Variants in ADCY1 observed in about 807,000 individuals in gnomAD.
ADCY1 encodes adenylate cyclase 1, also known as adenylate cyclase type 1.
ADCY1 carries 28 observed loss-of-function variants against 105.4 expected under a neutral mutation model. That is an observed-to-expected ratio of 0.27 (90% CI 0.20 to 0.36). The LOEUF is 0.36. Among genes scored for constraint, ADCY1 ranks in the 10% least tolerant of loss-of-function variants. ADCY1 has a pLI of 1.00. For synonymous variants in ADCY1, 655 were observed against 623.8 expected (o/e 1.05, Z -0.75); for missense variants, 977 against 1,434.2 (o/e 0.68, Z 5.15).
chr7:45,614,324 A>G (rs1465514913), intron 3 of ADCY1, among the ~76,000 whole-genome samples: 1 of 152,220 alleles, frequency 6.6e-6, no homozygotes, highest in African/African-American at 2.4e-5. Context: ...TTATCAGCTC[A>G]AAATGGACAG....
Position 45,717,806 on chromosome 7 carries a change from C to T in ADCY1, c.*3811C>T, listed in dbSNP as rs1351571828. 1 of 152,592 alleles carries T rather than the reference C, an allele frequency of 6.6e-6. No homozygotes were observed. Among genetic ancestry groups the T allele is most frequent in the Non-Finnish European group, 1.5e-5 (1 of 68,092 alleles). 9.5% of individuals were successfully genotyped at this position (152,592 alleles called of 1,614,324 possible). On this transcript the variant is annotated 3_prime_UTR_variant, in exon 20 of 20. Coordinates refer to ENST00000297323, the MANE Select transcript of ADCY1 (RefSeq NM_021116.4). ...GAGGACGCCCCTACAGACCCAGCAA[C>T]CCAAGTTGCCAGCCCGTGTTTCTCA...
At chr7:45,633,929 T>A (rs1794330871) in intron 4 of ADCY1, among the ~76,000 whole-genome samples, 1 of 152,128 alleles carries the variant, frequency 6.6e-6, no homozygotes, top group South Asian at 2.1e-4. Context: ...CAACTGTTAA[T>A]GTTATTGGTA....
Position 45,686,395 on chromosome 7 carries a change from T to C in ADCY1, c.2328-152T>C, listed in dbSNP as rs142641558. 4.3e-3 allele frequency: 6,027 copies of C among 1,401,636 alleles called. 21 individuals are homozygous for C. The highest frequency in any genetic ancestry group is 8.7e-3 in the African/African-American group (607 of 69,416). The allele number at this position is 1,401,636 out of a possible 1,614,324, so 86.8% of individuals were successfully genotyped here. A position where few individuals can be genotyped will look rare whatever the true frequency, so the allele number is the denominator to read the frequency against. ...TCTAGCAAGGACTCAGATTTCCCTA[T>C]GATAAGTGATTCTTGGCCAAGGTCA... On this transcript the variant is annotated intron_variant, in intron 13 of 19. Transcript: ENST00000297323. The surrounding 1 kb of genome is among the most constrained non-coding windows in gnomAD (Gnocchi z 4.3).
chr7:45,679,458 G>A (rs1426765431), intron 10 of ADCY1, among the ~76,000 whole-genome samples: 3 of 152,202 alleles, frequency 2.0e-5, no homozygotes, highest in Non-Finnish European at 4.4e-5. Context: ...CTGCGGTGGG[G>A]GTAGGAGAAG....
chr7:45,656,572 G>A (rs1246802639), intron 5 of ADCY1, among the ~76,000 whole-genome samples: 3 of 152,170 alleles, frequency 2.0e-5, no homozygotes, highest in African/African-American at 7.2e-5. Flanking sequence ...GCAAGGGTTT[G>A]AGTGGAGGTT....
intron 1 of ADCY1, among the ~76,000 whole-genome samples, chr7:45,586,886 G>A (rs1005176726): frequency 1.3e-5 from 2 of 152,230 alleles, no homozygotes; most frequent in African/African-American, 2.4e-5. Context: ...CCCAAGTGCT[G>A]TTGGTTCATA....
rs980978520 is a variant in ADCY1 at position 45,721,490 on chromosome 7, G to T, written c.*7495G>T. The stretch of plus-strand genomic sequence containing the variant: ...TTGTAAAGCCTCTCTGACATCAAAT[G>T]GGGAGAAATGGTGGCACCTCCAGAC... On this transcript the variant is annotated 3_prime_UTR_variant, in exon 20 of 20. Coordinates refer to ENST00000297323, the MANE Select transcript of ADCY1 (RefSeq NM_021116.4). 1 of 394,722 alleles carries T rather than the reference G, an allele frequency of 2.5e-6. No individual in the cohort carries two copies. Among genetic ancestry groups the T allele is most frequent in the African/African-American group, 2.1e-5 (1 of 48,524 alleles). The allele number at this position is 394,722 out of a possible 1,614,324, so 24.5% of individuals were successfully genotyped here. A position where few individuals can be genotyped will look rare whatever the true frequency, so the allele number is the denominator to read the frequency against.
intron 5 of ADCY1, among the ~76,000 whole-genome samples, chr7:45,656,705 C>T (rs576017758): frequency 6.6e-6 from 1 of 152,274 alleles, no homozygotes; most frequent in South Asian, 2.1e-4. Context: ...GGGTGGGTGG[C>T]ACAGCCTTGC....
intron 1 of ADCY1, among the ~76,000 whole-genome samples, chr7:45,578,679 G>A (rs1168431978): frequency 6.6e-6 from 1 of 152,312 alleles, no homozygotes; most frequent in East Asian, 1.9e-4. Flanking sequence ...GCCTGGGCAG[G>A]GCCCCAGTCC....
At chr7:45,598,999 C>T (rs543123142) in intron 2 of ADCY1, among the ~76,000 whole-genome samples, 1 of 152,316 alleles carries the variant, frequency 6.6e-6, no homozygotes, top group East Asian at 1.9e-4. Flanking sequence ...GGTCCCTGCC[C>T]TGCTGCTGTT....
rs1188504274 is a variant in ADCY1 at position 45,720,087 on chromosome 7, G to A, written c.*6092G>A. The stretch of plus-strand genomic sequence containing the variant: ...CCCTCCAGTTACCAGGAGCCGATTT[G>A]GAGGCCAGGCCTTCCCAGCTGAGTG... On this transcript the variant is annotated 3_prime_UTR_variant, in exon 20 of 20. Transcript: ENST00000297323. 6.6e-6 allele frequency: 1 copy of A among 152,216 alleles called. No individual in the cohort carries two copies. Among genetic ancestry groups the A allele is most frequent in the Non-Finnish European group, 1.5e-5 (1 of 68,080 alleles). The allele number at this position is 152,216 out of a possible 1,614,324, so 9.4% of individuals were successfully genotyped here. A position where few individuals can be genotyped will look rare whatever the true frequency, so the allele number is the denominator to read the frequency against.
intron 3 of ADCY1, among the ~76,000 whole-genome samples, chr7:45,617,050 C>T (rs933379162): frequency 6.6e-6 from 1 of 152,224 alleles, no homozygotes; most frequent in African/African-American, 2.4e-5. Context: ...AGGGAGGGAA[C>T]TTGCCCTGGG....
chr7:45,692,295 A>ACCAACTTT (rs1332672001), intron 14 of ADCY1, among the ~76,000 whole-genome samples: 9 of 152,354 alleles, frequency 5.9e-5, no homozygotes, highest in African/African-American at 2.2e-4. Context: ...TCCATCCAAC[A>ACCAACTTT]GGTGCTTATT....
At chr7:45,629,735 G>A (rs1326651952) in intron 4 of ADCY1, among the ~76,000 whole-genome samples, 1 of 152,092 alleles carries the variant, frequency 6.6e-6, no homozygotes, top group East Asian at 1.9e-4. Flanking sequence ...TAGCCAGGAT[G>A]GTCTTGATCT....
rs374053447 is a variant in ADCY1 at position 45,612,202 on chromosome 7, G to C, written c.908+1705G>C. 2.6e-5 allele frequency among the ~76,000 whole-genome samples: 4 copies of C among 152,340 alleles called. No homozygotes were observed. In the East Asian group the frequency reaches 7.7e-4, roughly 29 times the overall value. ...TGAAGGCCCAAGTGGGTGGAAAGTA[G>C]CTGAAGAGCCAGCATTTGAGCCCAG... On this transcript the variant is annotated intron_variant, in intron 3 of 19. Transcript: ENST00000297323.
chr7:45,641,438 C>T, intron 4 of ADCY1, among the ~76,000 whole-genome samples: 1 of 152,188 alleles, frequency 6.6e-6, no homozygotes, highest in East Asian at 1.9e-4. Context: ...TCTGGTTAGT[C>T]TTGTTTGGTC....
chr7:45,606,893 A>C (rs1793388716), intron 2 of ADCY1, among the ~76,000 whole-genome samples: 1 of 152,098 alleles, frequency 6.6e-6, no homozygotes, highest in South Asian at 2.1e-4. Context: ...GAGCTTATTG[A>C]CATATGATCT....
intron 4 of ADCY1, among the ~76,000 whole-genome samples, chr7:45,626,687 G>A (rs1188842211): frequency 6.6e-6 from 1 of 152,242 alleles, no homozygotes; most frequent in Non-Finnish European, 1.5e-5. Flanking sequence ...AGCAACATTT[G>A]AGTTTGAGCT....
rs1452324529 is a variant in ADCY1 at position 45,717,834 on chromosome 7, C to CT, written c.*3842dup. The stretch of plus-strand genomic sequence containing the variant: ...AAGTTGCCAGCCCGTGTTTCTCAGA[C>CT]TTTAAAGCCACCAGGGCTTCTGGAA... On this transcript the variant is annotated 3_prime_UTR_variant, in exon 20 of 20. Transcript: ENST00000297323. The CT allele has an allele frequency of 6.6e-6, 1 of 152,624 alleles. No individual in the cohort carries two copies. The highest frequency in any genetic ancestry group is 2.4e-5 in the African/African-American group (1 of 41,454). 9.5% of individuals were successfully genotyped at this position (152,624 alleles called of 1,614,324 possible). A position where few individuals can be genotyped will look rare whatever the true frequency, so the allele number is the denominator to read the frequency against.
Sources: allele counts gnomAD v4.1 joint callset (sites outside exome capture counted in the v4.1 genomes callset), GRCh38; gene constraint gnomAD v4.1.1; non-coding constraint Gnocchi (gnomAD v3.1); transcripts MANE v1.5; gene names NCBI Gene and HGNC (gene_info 2026-07-23, HGNC 2026-07-21).